CUX1: variants seen among roughly 807,000 people sequenced by gnomAD.
The protein encoded by CUX1 is cut like homeobox 1.
A neutral mutation model predicts 158.8 loss-of-function variants in CUX1; 31 were observed. That is an observed-to-expected ratio of 0.20 (90% CI 0.15 to 0.26). The LOEUF is 0.26. CUX1 is among the 10% of genes least tolerant of loss of function. CUX1 has a pLI of 1.00. For missense variants in CUX1, 1,589 were observed against 2,014.6 expected (o/e 0.79, Z 4.04); for synonymous variants, 879 against 862.1 (o/e 1.02, Z -0.34).
At chr7:102,008,802 C>T (rs992287158) in intron 2 of CUX1, among the ~76,000 whole-genome samples, 1 of 152,146 alleles carries the variant, frequency 6.6e-6, no homozygotes, top group Non-Finnish European at 1.5e-5. Flanking sequence ...GAGGCGAGAC[C>T]ACAGCACAGT....
intron 10 of CUX1, among the ~76,000 whole-genome samples, chr7:102,172,529 C>T (rs1791842273): frequency 6.6e-6 from 1 of 152,178 alleles, no homozygotes; most frequent in Non-Finnish European, 1.5e-5. Flanking sequence ...AGATTACAAG[C>T]ATGAGTCATC....
Position 102,035,249 on chromosome 7 carries a change from G to A in CUX1, c.189+7104G>A, listed in dbSNP as rs553829061. ...AACTTTAGGATGATGCAAAGAAACT[G>A]TACTTTGAGTACCCATACAACCATG... On this transcript the variant is annotated intron_variant, in intron 3 of 23. Coordinates refer to ENST00000292535, the MANE Select transcript of CUX1 (RefSeq NM_181552.4). Among the ~76,000 whole-genome samples, 31 of 152,200 alleles carry A rather than the reference G, an allele frequency of 2.0e-4. 2 individuals carry two copies. In the South Asian group the frequency reaches 5.6e-3, roughly 27 times the overall value.
intron 2 of CUX1, among the ~76,000 whole-genome samples, chr7:101,950,898 C>G (rs1419845047): frequency 6.6e-6 from 1 of 152,124 alleles, no homozygotes; most frequent in Non-Finnish European, 1.5e-5. Context: ...TGTCCTGGTG[C>G]ACACTCTCCT....
chr7:101,884,567 A>G (rs773394731), intron 1 of CUX1, among the ~76,000 whole-genome samples: 1 of 152,188 alleles, frequency 6.6e-6, no homozygotes, highest in Non-Finnish European at 1.5e-5. Flanking sequence ...ACCTTCCCAG[A>G]GTGCCTGGGA....
At chr7:102,093,104 T>C (rs1466833295) in intron 4 of CUX1, among the ~76,000 whole-genome samples, 4 of 151,662 alleles carry the variant, frequency 2.6e-5, no homozygotes, top group Non-Finnish European at 5.9e-5. Context: ...GAAATATTTG[T>C]TAAATTAGTA....
chr7:102,218,453 G>T (rs1201755371), intron 20 of CUX1, among the ~76,000 whole-genome samples: 1 of 152,220 alleles, frequency 6.6e-6, no homozygotes, highest in Non-Finnish European at 1.5e-5. Context: ...GGAGGCCGAG[G>T]CAGGAGAATC....
intron 20 of CUX1, among the ~76,000 whole-genome samples, chr7:102,216,695 A>ACC (rs1554524918): frequency 1.9e-5 from 2 of 107,934 alleles, no homozygotes; most frequent in Non-Finnish European, 3.9e-5. Context: ...CCCCACACAC[A>ACC]CTCCCACACG....
intron 1 of CUX1, among the ~76,000 whole-genome samples, chr7:101,908,289 G>A (rs539394078): frequency 7.1e-4 from 108 of 152,314 alleles, no homozygotes; most frequent in African/African-American, 2.4e-3. Flanking sequence ...GCACTTTCCC[G>A]CATGCACCAC....
At chr7:102,239,640 G>A (rs1009865787) in intron 23 of CUX1, 56 bp downstream of exon 23, 1 of 1,556,238 alleles carries the variant, frequency 6.4e-7, no homozygotes, top group Non-Finnish European at 8.7e-7. Flanking sequence ...GGGCTGATCT[G>A]TCCGGAGGCC....
chr7:102,025,350 G>GCCAA (rs1196720170), intron 2 of CUX1, among the ~76,000 whole-genome samples: 1 of 152,078 alleles, frequency 6.6e-6, no homozygotes, highest in African/African-American at 2.4e-5. Flanking sequence ...TTGGTGGCCA[G>GCCAA]GCATGGTGGC....
intron 11 of CUX1, among the ~76,000 whole-genome samples, chr7:102,182,060 A>G (rs782038853): frequency 6.6e-6 from 1 of 151,930 alleles, no homozygotes; most frequent in Non-Finnish European, 1.5e-5. Context: ...CCCCTCTTTC[A>G]TGTCTTACGG....
chr7:102,184,707 C>T (rs1336086225), intron 11 of CUX1, among the ~76,000 whole-genome samples: 3 of 152,026 alleles, frequency 2.0e-5, no homozygotes, highest in Non-Finnish European at 4.4e-5. Flanking sequence ...AGTACAGTGG[C>T]GTGATCATAA....
chr7:102,131,301 C>T (rs1833207143), intron 8 of CUX1, among the ~76,000 whole-genome samples: 1 of 151,894 alleles, frequency 6.6e-6, no homozygotes, highest in African/African-American at 2.4e-5. Context: ...TTGTCATTTT[C>T]TTATAGTAGC....
intron 14 of CUX1, 106 bp from the exon 15 acceptor site, chr7:102,196,528 T>C (rs1586161364): frequency 8.8e-7 from 1 of 1,137,538 alleles, no homozygotes; most frequent in East Asian, 2.5e-5. Context: ...ACCTGCACTT[T>C]TTTTTGTTTT....
intron 1 of CUX1, among the ~76,000 whole-genome samples, chr7:101,882,327 C>T (rs543248546): frequency 1.3e-5 from 2 of 152,116 alleles, no homozygotes; most frequent in African/African-American, 2.4e-5. Context: ...GCGAAGGGGA[C>T]GGCTGACCAA....
intron 11 of CUX1, among the ~76,000 whole-genome samples, chr7:102,187,842 T>C (rs1287605153): frequency 6.6e-6 from 1 of 152,122 alleles, no homozygotes; most frequent in Non-Finnish European, 1.5e-5. Context: ...GGTTGGGATT[T>C]GGATGGTGCC....
intron 1 of CUX1, among the ~76,000 whole-genome samples, chr7:101,849,515 C>CT (rs1796055096): frequency 6.6e-6 from 1 of 152,094 alleles, no homozygotes; most frequent in Admixed American, 6.6e-5. Flanking sequence ...TGACCTCTTT[C>CT]TTTTTTCTGG....
intron 8 of CUX1, among the ~76,000 whole-genome samples, chr7:102,131,166 G>T (rs905228187): frequency 1.3e-5 from 2 of 150,910 alleles, no homozygotes; most frequent in Non-Finnish European, 2.9e-5. Flanking sequence ...ATAGATGACC[G>T]GCTGTTCTGC....
chr7:101,918,547 C>T (rs1054023997), intron 2 of CUX1, among the ~76,000 whole-genome samples: 2 of 152,224 alleles, frequency 1.3e-5, no homozygotes, highest in African/African-American at 2.4e-5. Flanking sequence ...GAGGGTGGTG[C>T]CCACTTCCTC....
Sources: allele counts gnomAD v4.1 joint callset (sites outside exome capture counted in the v4.1 genomes callset), GRCh38; gene constraint gnomAD v4.1.1; transcripts MANE v1.5; gene names NCBI Gene and HGNC (gene_info 2026-07-23, HGNC 2026-07-21).